Variants in FAM83B observed in about 807,000 individuals in gnomAD.
FAM83B encodes protein FAM83B.
A neutral mutation model predicts 38.8 loss-of-function variants in FAM83B; 26 were observed. The ratio of observed to expected loss-of-function variants is 0.67; its 90% CI spans 0.49 to 0.93. The LOEUF (loss-of-function observed/expected upper bound fraction) is 0.93, where lower values mean the gene tolerates loss of function less well. Among genes scored for constraint, FAM83B ranks in the 40% least tolerant of loss-of-function variants. FAM83B has a pLI of 0.00. For synonymous variants in FAM83B, 419 were observed against 423.1 expected (o/e 0.99, Z 0.12); for missense variants, 1,237 against 1,197.3 (o/e 1.03, Z -0.49).
In FAM83B at chr6:54,940,338, T is replaced by G. The variant is rs1320507336; in HGVS notation, c.1367T>G (p.Leu456Arg). The change falls in exon 5 of 5, where the codon CTT (leucine) becomes CGT (arginine). Residue 456 changes from leucine to arginine, a missense_variant. Physicochemically the swap from Leu to Arg is moderately radical, Grantham distance 102. Coordinates refer to ENST00000306858, the MANE Select transcript of FAM83B (RefSeq NM_001010872.3). Reference protein sequence around the residue: ...NRLAQRKTTNLADRNSNVRRS... With the variant: ...NRLAQRKTTNRADRNSNVRRS... ...CTTGCGCAGAGAAAAACAACAAATCTTGCAGACAGGAATTCAAATGTTCGG... is the reference window on the plus strand; with the variant it reads ...CTTGCGCAGAGAAAAACAACAAATCGTGCAGACAGGAATTCAAATGTTCGG... 1.9e-6 allele frequency: 3 copies of G among 1,613,886 alleles called. No homozygotes were observed. The Admixed American group carries it at 5.0e-5, about 27-fold the overall frequency.
intron 2 of FAM83B, among the ~76,000 whole-genome samples, chr6:54,874,501 AT>A (rs749447347): frequency 1.4e-4 from 22 of 152,114 alleles, no homozygotes; most frequent in Non-Finnish European, 2.8e-4. Flanking sequence ...CCAGGTAATT[AT>A]TTGTCTGTCA....
At chr6:54,895,380 G>C (rs1323910229) in intron 2 of FAM83B, among the ~76,000 whole-genome samples, 1 of 152,084 alleles carries the variant, frequency 6.6e-6, no homozygotes, top group African/African-American at 2.4e-5. Flanking sequence ...TTATACCTCC[G>C]TGGGACTTGT....
chr6:54,887,631 G>A (rs1772309246), intron 2 of FAM83B, among the ~76,000 whole-genome samples: 1 of 151,262 alleles, frequency 6.6e-6, no homozygotes, highest in South Asian at 2.1e-4. Flanking sequence ...ACTCTTTTTA[G>A]GTACATAGAA....
chr6:54,876,298 TATATATATATATATATATATATG>T (rs1259897305), intron 2 of FAM83B, among the ~76,000 whole-genome samples: 11 of 48,698 alleles, frequency 2.3e-4, no homozygotes, highest in Admixed American at 7.8e-4. Context: ...TATATATATA[TATATATATATATATATATATATG>T]TTTTTGTTTT....
rs1295235008 is a variant in FAM83B, at chr6:54,940,801, A to G, written c.1830A>G (p.Lys610=). Residue 610 remains lysine, a synonymous_variant, in exon 5 of 5, where the codon AAA becomes AAG. Transcript: ENST00000306858. Reference sequence around the variant, plus strand: ...TCCCATTGCAGTCAGAGGCACCAAAAATGCACACCTTGCAGGTTCCTGAAA... The same window carrying G: ...TCCCATTGCAGTCAGAGGCACCAAAGATGCACACCTTGCAGGTTCCTGAAA... The part of the protein sequence containing the change: ...PKLPLQSEAP[K]MHTLQVPENH... 3 of 1,614,046 alleles carry G rather than the reference A, an allele frequency of 1.9e-6. No individual in the cohort carries two copies. The highest frequency in any genetic ancestry group is 2.5e-6 in the Non-Finnish European group (3 of 1,180,014).
At chr6:54,904,930 A>G (rs1244664674) in intron 2 of FAM83B, among the ~76,000 whole-genome samples, 1 of 152,162 alleles carries the variant, frequency 6.6e-6, no homozygotes, top group Non-Finnish European at 1.5e-5. Flanking sequence ...GCAGAGAAAG[A>G]AAGGAGGAGG....
At chr6:54,884,039 C>T (rs1561913534) in intron 2 of FAM83B, among the ~76,000 whole-genome samples, 1 of 152,066 alleles carries the variant, frequency 6.6e-6, no homozygotes, top group Non-Finnish European at 1.5e-5. Context: ...CATGGTGACT[C>T]ACGCCTTTAA....
intron 1 of FAM83B, among the ~76,000 whole-genome samples, chr6:54,855,687 C>A (rs12191299): frequency 6.6e-6 from 1 of 151,992 alleles, no homozygotes; most frequent in African/African-American, 2.4e-5. Context: ...AGTGTTAAAT[C>A]TCTCCAAGGT....
intron 4 of FAM83B, among the ~76,000 whole-genome samples, chr6:54,935,183 T>G (rs1375201734): frequency 6.6e-6 from 1 of 152,168 alleles, no homozygotes. Flanking sequence ...TATTTACAAC[T>G]AATGTTTTTA....
chr6:54,921,347 A>G (rs1362526892), intron 2 of FAM83B, among the ~76,000 whole-genome samples: 2 of 151,476 alleles, frequency 1.3e-5, no homozygotes, highest in East Asian at 2.1e-4. Flanking sequence ...TATGTAATAT[A>G]TACTGTAGGT....
At chr6:54,896,864 T>C (rs1218645864) in intron 2 of FAM83B, among the ~76,000 whole-genome samples, 1 of 152,204 alleles carries the variant, frequency 6.6e-6, no homozygotes, top group Non-Finnish European at 1.5e-5. Context: ...AGGAAAACTT[T>C]AGCCACAATC....
rs781135508 is a variant in FAM83B, at chr6:54,941,811, TTCAGCCAACAA to T, written c.2841_2851del (p.Ile947MetfsTer26). 1 of 1,614,066 alleles carries T rather than the reference TTCAGCCAACAA, an allele frequency of 6.2e-7. No individual in the cohort carries two copies. Among genetic ancestry groups the T allele is most frequent in the Non-Finnish European group, 8.5e-7 (1 of 1,179,990 alleles). On this transcript the variant is annotated frameshift_variant, in exon 5 of 5. Transcript: ENST00000306858. LOFTEE classifies it high-confidence loss of function. Reference sequence around the variant, plus strand: ...CCGTTTTGTAAGATTGAGAGCTCTATTCAGCCAACAAGCAACATGCCAAATACCAGTATAAA... The same window carrying T: ...CCGTTTTGTAAGATTGAGAGCTCTATGCAACATGCCAAATACCAGTATAAA...
At position 54,941,058 on chromosome 6, in the gene FAM83B, C is replaced by G; in HGVS notation, c.2087C>G (p.Pro696Arg). The G allele has an allele frequency of 6.2e-7, 1 of 1,613,392 alleles. No homozygotes were observed. Among genetic ancestry groups the G allele is most frequent in the Non-Finnish European group, 8.5e-7 (1 of 1,179,846 alleles). Reference sequence around the variant, plus strand: ...CTTACCAGGAATCGAGTTAGACAACCAGAAAAGCCCAAAGAAGATTTGCTG... The same window carrying G: ...CTTACCAGGAATCGAGTTAGACAACGAGAAAAGCCCAAAGAAGATTTGCTG... ...STLTRNRVRQ[P>R]EKPKEDLLKS... The change falls in exon 5 of 5, where the codon CCA (proline) becomes CGA (arginine). Residue 696 changes from proline (P) to arginine (R), a missense_variant. Transcript: ENST00000306858.
At chr6:54,868,660 ATTCAGATGCTGCCATCCCCAAAG>A (rs1771773425) in intron 1 of FAM83B, among the ~76,000 whole-genome samples, 2 of 152,292 alleles carry the variant, frequency 1.3e-5, no homozygotes, top group Admixed American at 1.3e-4. Context: ...CATCACCAGA[ATTCAGATGCTGCCATCCCCAAAG>A]TTCAGATGCT....
rs550448870 is a variant in FAM83B at position 54,929,649 on chromosome 6, G to A, written c.734+2017G>A. 5.5e-4 allele frequency among the ~76,000 whole-genome samples: 83 copies of A among 152,110 alleles called. 1 individual carries two copies. The South Asian group carries it at 8.5e-3, about 16-fold the overall frequency. ...ATTGGCTGAAGTTGGCACCTCTCAGGTTCCATTTTTAACCACACATAAAAA... is the reference window on the plus strand; with the variant it reads ...ATTGGCTGAAGTTGGCACCTCTCAGATTCCATTTTTAACCACACATAAAAA... On this transcript the variant is annotated intron_variant, in intron 4 of 4. Coordinates refer to ENST00000306858, the MANE Select transcript of FAM83B (RefSeq NM_001010872.3).
chr6:54,930,738 T>A (rs996095708), intron 4 of FAM83B, among the ~76,000 whole-genome samples: 1 of 152,022 alleles, frequency 6.6e-6, no homozygotes, highest in South Asian at 2.1e-4. Context: ...TTTTCCCTAT[T>A]TGTTTTTGTT....
intron 1 of FAM83B, among the ~76,000 whole-genome samples, chr6:54,869,587 T>C (rs1001575277): frequency 6.6e-6 from 1 of 152,204 alleles, no homozygotes; most frequent in African/African-American, 2.4e-5. Flanking sequence ...GAAATATTTC[T>C]TCTTGCCACC....
chr6:54,940,668 C>T lies in FAM83B; in HGVS notation c.1697C>T (p.Ser566Leu), dbSNP rs1451997050. ...AGTTGTACAACTGGCTCCTCAAATTCAACTATCATTGGTTCTCAGGGAAGT... is the reference window on the plus strand; with the variant it reads ...AGTTGTACAACTGGCTCCTCAAATTTAACTATCATTGGTTCTCAGGGAAGT... ...VNSCTTGSSNSTIIGSQGSET... is the reference protein window; with the variant it reads ...VNSCTTGSSNLTIIGSQGSET... The change falls in exon 5 of 5, where the codon TCA (serine) becomes TTA (leucine). Residue 566 changes from serine (S) to leucine (L), a missense_variant. Transcript: ENST00000306858. The T allele has an allele frequency of 6.2e-7, 1 of 1,613,970 alleles. No individual in the cohort carries two copies. The highest frequency in any genetic ancestry group is 8.5e-7 in the Non-Finnish European group (1 of 1,179,984).
rs1773325496 is a variant in FAM83B at position 54,927,612 on chromosome 6, A to G, written c.714A>G (p.Lys238=). 6.2e-7 allele frequency: 1 copy of G among 1,605,254 alleles called. No homozygotes were observed. The highest frequency in any genetic ancestry group is 1.3e-5 in the African/African-American group (1 of 74,720). Residue 238 remains lysine, a synonymous_variant, in exon 4 of 5, where the codon AAA becomes AAG. Coordinates refer to ENST00000306858, the MANE Select transcript of FAM83B (RefSeq NM_001010872.3). ...AATTTTTGTTAGTTGACTGCCAGAAAGTGATGTACGGTTCTTACAGGTAAG... is the reference window on the plus strand; with the variant it reads ...AATTTTTGTTAGTTGACTGCCAGAAGGTGATGTACGGTTCTTACAGGTAAG... The part of the protein sequence containing the change: ...EQKFLLVDCQ[K]VMYGSYSYMW...
Sources: gnomAD v4.1 joint callset for allele counts (sites outside exome capture counted in the v4.1 genomes callset) on GRCh38, gnomAD v4.1.1 for gene constraint, MANE v1.5 for transcripts, NCBI Gene and HGNC (gene_info 2026-07-23, HGNC 2026-07-21) for gene names.